SPHK1: variants seen among roughly 807,000 people sequenced by gnomAD.
The protein encoded by SPHK1 is SK 1.
In SPHK1, 10 loss-of-function variants were observed where a neutral mutation model predicts 14.6. That is an observed-to-expected ratio of 0.68 (90% CI 0.42 to 1.16). The LOEUF is 1.16. Ranked by LOEUF, SPHK1 falls within the 50% of genes most tolerant of loss-of-function variation. The probability of loss-of-function intolerance (pLI) is 0.00; values close to 1 mark genes in which losing one functional copy is unlikely to be tolerated. For synonymous variants in SPHK1, 274 were observed against 224.0 expected (o/e 1.22, Z -1.99); for missense variants, 553 against 525.4 (o/e 1.05, Z -0.51).
In SPHK1 at chr17:76,385,752, C is replaced by T; in HGVS notation, c.10+98C>T. The T allele has an allele frequency of 2.1e-6, 3 of 1,429,686 alleles. No homozygotes were observed. Among genetic ancestry groups the T allele is most frequent in the Middle Eastern group, 1.7e-4 (1 of 5,786 alleles). The allele number at this position is 1,429,686 out of a possible 1,614,324, so 88.6% of individuals were successfully genotyped here. A position where few individuals can be genotyped will look rare whatever the true frequency, so the allele number is the denominator to read the frequency against. ...CTGGACGAAAGGGGCTGTGGACGAT[C>T]GGGAGAAACATTATCCCTCACGAGG... is the stretch of plus-strand genomic sequence containing the variant. On this transcript the variant is annotated intron_variant, in intron 2 of 5. Coordinates refer to ENST00000592299, the MANE Select transcript of SPHK1 (RefSeq NM_001142601.2). This position sits in a 1 kb window ranked among gnomAD's most constrained non-coding sequence, Gnocchi z 5.3.
upstream of SPHK1, chr17:76,383,535 T>TGGGGGCGGGTGGGGCCGGC (rs1292168637): frequency 3.7e-6 from 1 of 267,910 alleles, no homozygotes; most frequent in African/African-American, 2.6e-5. Context: ...GAGAGGTGTG[T>TGGGGGCGGGTGGGGCCGGC]GGGGGCGGGT....
Position 76,385,115 on chromosome 17 carries a change from C to G in SPHK1, c.-195+309C>G, listed in dbSNP as rs1465388333. 3.8e-6 allele frequency: 6 copies of G among 1,584,506 alleles called. No homozygotes were observed. The highest frequency in any genetic ancestry group is 1.8e-5 in the Admixed American group (1 of 55,214). On this transcript the variant is annotated intron_variant, in intron 1 of 5. Coordinates refer to ENST00000592299, the MANE Select transcript of SPHK1 (RefSeq NM_001142601.2). The surrounding 1 kb of genome is among the most constrained non-coding windows in gnomAD (Gnocchi z 5.3). ...AACTTCGTGCCCAGCAATGTCCGCTCAAGTTCTGGGATTTTTACGCAGCTG... is the reference window on the plus strand; with the variant it reads ...AACTTCGTGCCCAGCAATGTCCGCTGAAGTTCTGGGATTTTTACGCAGCTG...
Position 76,386,145 on chromosome 17 carries a change from CCT to C in SPHK1, c.163+12_163+13del, listed in dbSNP as rs2071976730. The C allele has an allele frequency of 6.3e-7, 1 of 1,592,166 alleles. No homozygotes were observed. The highest frequency in any genetic ancestry group is 1.3e-5 in the African/African-American group (1 of 74,562). On this transcript the variant is annotated intron_variant, in intron 3 of 5. Transcript: ENST00000592299. This position sits in a 1 kb window ranked among gnomAD's most constrained non-coding sequence, Gnocchi z 5.3. Reference sequence around the variant, plus strand: ...TCACGCTGATGCTCACTGGTGAGTACCTCTCGGAGGGGGTTTCGGGAGCATCC... The same window carrying C: ...TCACGCTGATGCTCACTGGTGAGTACCTCGGAGGGGGTTTCGGGAGCATCC...
In SPHK1 at chr17:76,385,456, G is replaced by A; in HGVS notation, c.-189G>A. 1 of 1,546,742 alleles carries A rather than the reference G, an allele frequency of 6.5e-7. No individual in the cohort carries two copies. Among genetic ancestry groups the A allele is most frequent in the Non-Finnish European group, 8.7e-7 (1 of 1,153,852 alleles). ...CGCTGTCTTCTCTCCCTCAGGTCCA[G>A]CCGCCGCAGGGAATGACGCCGGTGC... On this transcript the variant is annotated 5_prime_UTR_variant, in exon 2 of 6. Coordinates refer to ENST00000592299, the MANE Select transcript of SPHK1 (RefSeq NM_001142601.2). The surrounding 1 kb of genome is among the most constrained non-coding windows in gnomAD (Gnocchi z 5.3).
rs776072471 is a variant in SPHK1, at chr17:76,387,406, C to T, written c.975C>T (p.Val325=). 9 of 1,613,720 alleles carry T rather than the reference C, an allele frequency of 5.6e-6. No homozygotes were observed. In the East Asian group the frequency reaches 8.9e-5, roughly 16 times the overall value. The change falls in exon 6 of 6, where the codon GTC becomes GTT. Residue 325 remains valine (V), a synonymous_variant. Coordinates refer to ENST00000592299, the MANE Select transcript of SPHK1 (RefSeq NM_001142601.2). This position sits in a 1 kb window ranked among gnomAD's most constrained non-coding sequence, Gnocchi z 4.1. Reference sequence around the variant, plus strand: ...CCTACTTGGTATATGTGCCCGTGGTCGCCTTCCGCTTGGAGCCCAAGGATG... The same window carrying T: ...CCTACTTGGTATATGTGCCCGTGGTTGCCTTCCGCTTGGAGCCCAAGGATG... ...ECPYLVYVPV[V]AFRLEPKDGK... is the part of the protein sequence containing the mutation.
At chr17:76,383,619 G>T, upstream of SPHK1, 2 of 318,348 alleles carry the variant, frequency 6.3e-6, no homozygotes. Flanking sequence ...GCCCTACCTG[G>T]GCAGGTCACC....
rs758804598 is a variant in SPHK1, at chr17:76,386,150, C to T, written c.163+13C>T. On this transcript the variant is annotated intron_variant, in intron 3 of 5. Transcript: ENST00000592299. The surrounding 1 kb of genome is among the most constrained non-coding windows in gnomAD (Gnocchi z 5.3). Reference sequence around the variant, plus strand: ...CTGATGCTCACTGGTGAGTACCTCTCGGAGGGGGTTTCGGGAGCATCCCCT... The same window carrying T: ...CTGATGCTCACTGGTGAGTACCTCTTGGAGGGGGTTTCGGGAGCATCCCCT... The T allele has an allele frequency of 2.5e-6, 4 of 1,591,190 alleles. No homozygotes were observed. The highest frequency in any genetic ancestry group is 2.7e-5 in the African/African-American group (2 of 74,540).
upstream of SPHK1, chr17:76,383,922 C>A (rs1211914999): frequency 8.5e-7 from 1 of 1,180,258 alleles, no homozygotes; most frequent in African/African-American, 1.7e-5. Flanking sequence ...CGGCTCGGAG[C>A]CCCCGGCCTG....
At chr17:76,384,006 A>C (rs1019728003), upstream of SPHK1, 81 of 549,958 alleles carry the variant, frequency 1.5e-4, no homozygotes, top group Non-Finnish European at 2.1e-4. Context: ...CGGGAAGTTA[A>C]AAATAACCTC....
rs760513692 is a variant in SPHK1, at chr17:76,386,902, G to A, written c.471G>A (p.Thr157=). The change falls in exon 6 of 6, where the codon ACG becomes ACA. Residue 157 remains threonine, a synonymous_variant. Coordinates refer to ENST00000592299, the MANE Select transcript of SPHK1 (RefSeq NM_001142601.2). This position sits in a 1 kb window ranked among gnomAD's most constrained non-coding sequence, Gnocchi z 5.3. ...LSPMNLLSLH[T]ASGLRLFSVL... is the part of the protein sequence containing the mutation. ...CCATGAACCTGCTGTCTCTGCACAC[G>A]GCTTCGGGGCTGCGCCTCTTCTCTG... 23 of 1,612,026 alleles carry A rather than the reference G, an allele frequency of 1.4e-5. No homozygotes were observed. The highest frequency in any genetic ancestry group is 6.7e-5 in the East Asian group (3 of 44,830).
At position 76,387,198 on chromosome 17, in the gene SPHK1, A is replaced by G. The variant is rs751077966; in HGVS notation, c.767A>G (p.Asp256Gly). The G allele has an allele frequency of 2.0e-5, 33 of 1,612,986 alleles. No individual in the cohort carries two copies. In the East Asian group the frequency reaches 7.4e-4, roughly 36 times the overall value. ...CACTGGACAGTGGTGCCCGACGAGG[A>G]CTTTGTGCTAGTCCTGGCACTGCTG... The part of the protein sequence containing the change: ...PSHWTVVPDE[D>G]FVLVLALLHS... The change falls in exon 6 of 6, where the codon GAC becomes GGC. Residue 256 changes from aspartate (D) to glycine (G), a missense_variant. Transcript: ENST00000592299. The surrounding 1 kb of genome is among the most constrained non-coding windows in gnomAD (Gnocchi z 4.1).
rs1293736501 is a variant in SPHK1, at chr17:76,387,038, C to A, written c.607C>A (p.Leu203Met). ...TLGTFLRLAA[L>M]RTYRGRLAYL... is the part of the protein sequence containing the mutation. ...GGGCACCTTCCTGCGTCTGGCAGCC[C>A]TGCGCACCTACCGCGGCCGACTGGC... Residue 203 changes from leucine (L) to methionine (M), a missense_variant, in exon 6 of 6, where the codon CTG becomes ATG. By Grantham distance (15) the Leu-to-Met change is conservative. Transcript: ENST00000592299. The surrounding 1 kb of genome is among the most constrained non-coding windows in gnomAD (Gnocchi z 4.1). 6.2e-7 allele frequency: 1 copy of A among 1,613,648 alleles called. No homozygotes were observed. Among genetic ancestry groups the A allele is most frequent in the Non-Finnish European group, 8.5e-7 (1 of 1,180,038 alleles).
rs1458800349 is a variant in SPHK1, at chr17:76,384,717, A to G, written c.-284A>G. The G allele has an allele frequency of 6.0e-6, 1 of 166,976 alleles. No homozygotes were observed. The highest frequency in any genetic ancestry group is 1.3e-5 in the Non-Finnish European group (1 of 78,122). The allele number at this position is 166,976 out of a possible 1,614,324, so 10.3% of individuals were successfully genotyped here. A position where few individuals can be genotyped will look rare whatever the true frequency, so the allele number is the denominator to read the frequency against. On this transcript the variant is annotated 5_prime_UTR_variant, in exon 1 of 6. Coordinates refer to ENST00000592299, the MANE Select transcript of SPHK1 (RefSeq NM_001142601.2). ...CCAGCGGGGCGCTCCAGTCCCTCAG[A>G]CGTGGGCTGAGCTTGGGACGAGCTG...
upstream of SPHK1, chr17:76,384,415 G>T (rs2071922148): frequency 6.6e-6 from 1 of 150,482 alleles, no homozygotes; most frequent in South Asian, 2.1e-4. Flanking sequence ...CTAGCCAGAC[G>T]CCTAGGACGA....
chr17:76,386,778 T>C lies in SPHK1; in HGVS notation c.375-28T>C. 1 of 1,524,248 alleles carries C rather than the reference T, an allele frequency of 6.6e-7. No homozygotes were observed. The highest frequency in any genetic ancestry group is 8.8e-7 in the Non-Finnish European group (1 of 1,136,788). The allele number at this position is 1,524,248 out of a possible 1,614,324, so 94.4% of individuals were successfully genotyped here. On this transcript the variant is annotated intron_variant, in intron 5 of 5. Coordinates refer to ENST00000592299, the MANE Select transcript of SPHK1 (RefSeq NM_001142601.2). The surrounding 1 kb of genome is among the most constrained non-coding windows in gnomAD (Gnocchi z 5.3). The stretch of plus-strand genomic sequence containing the variant: ...GGGGGATACATGGGGGCTCCTGTCC[T>C]GCCTTATCTGACTTTTTCCCCCTGC...
At position 76,387,110 on chromosome 17, in the gene SPHK1, G is replaced by A. The variant is rs2072002717; in HGVS notation, c.679G>A (p.Val227Ile). The A allele has an allele frequency of 2.5e-6, 4 of 1,613,158 alleles. No homozygotes were observed. The highest frequency in any genetic ancestry group is 3.4e-6 in the Non-Finnish European group (4 of 1,180,044). Reference sequence around the variant, plus strand: ...GGGTTCCAAGACACCTGCCTCCCCCGTTGTGGTCCAGCAGGGCCCGGTAGA... The same window carrying A: ...GGGTTCCAAGACACCTGCCTCCCCCATTGTGGTCCAGCAGGGCCCGGTAGA... ...RVGSKTPASPVVVQQGPVDAH... is the reference protein window; with the variant it reads ...RVGSKTPASPIVVQQGPVDAH... Residue 227 changes from valine (V) to isoleucine (I), a missense_variant, in exon 6 of 6, where the codon GTT becomes ATT. By Grantham distance (29) the Val-to-Ile change is conservative. Transcript: ENST00000592299. The surrounding 1 kb of genome is among the most constrained non-coding windows in gnomAD (Gnocchi z 4.1).
At position 76,386,874 on chromosome 17, in the gene SPHK1, C is replaced by T; in HGVS notation, c.443C>T (p.Ser148Leu). The change falls in exon 6 of 6, where the codon TCA (serine) becomes TTA (leucine). Residue 148 changes from serine to leucine, a missense_variant. Transcript: ENST00000592299. The surrounding 1 kb of genome is among the most constrained non-coding windows in gnomAD (Gnocchi z 5.3). ...CTATTGCTGTGCCGCCGGCTGCTGT[C>T]ACCCATGAACCTGCTGTCTCTGCAC... is the stretch of plus-strand genomic sequence containing the variant. ...CTLLLCRRLL[S>L]PMNLLSLHTA... The T allele has an allele frequency of 1.9e-6, 3 of 1,605,882 alleles. No homozygotes were observed. Among genetic ancestry groups the T allele is most frequent in the Non-Finnish European group, 2.6e-6 (3 of 1,175,146 alleles).
Position 76,386,876 on chromosome 17 carries a change from C to T in SPHK1, c.445C>T (p.Pro149Ser). The part of the protein sequence containing the change: ...TLLLCRRLLS[P>S]MNLLSLHTAS... ...ATTGCTGTGCCGCCGGCTGCTGTCA[C>T]CCATGAACCTGCTGTCTCTGCACAC... is the stretch of plus-strand genomic sequence containing the variant. The change falls in exon 6 of 6, where the codon CCC (proline) becomes TCC (serine). Residue 149 changes from proline to serine, a missense_variant. Pro to Ser is a moderately conservative substitution (Grantham distance 74). Coordinates refer to ENST00000592299, the MANE Select transcript of SPHK1 (RefSeq NM_001142601.2). The surrounding 1 kb of genome is among the most constrained non-coding windows in gnomAD (Gnocchi z 5.3). 3 of 1,608,472 alleles carry T rather than the reference C, an allele frequency of 1.9e-6. No homozygotes were observed. Among genetic ancestry groups the T allele is most frequent in the Non-Finnish European group, 1.7e-6 (2 of 1,176,602 alleles).
In SPHK1 at chr17:76,387,798, C is replaced by G. The variant is rs573674832; in HGVS notation, c.*212C>G. 4.3e-4 allele frequency: 239 copies of G among 551,000 alleles called. No homozygotes were observed. The highest frequency in any genetic ancestry group is 4.2e-3 in the African/African-American group (221 of 53,154). The allele number at this position is 551,000 out of a possible 1,614,324, so 34.1% of individuals were successfully genotyped here. ...GGCCCAGCTGCCTATGTAAGGCCTT[C>G]TAGTTTGTTCTGAGACCCCCACCCC... On this transcript the variant is annotated 3_prime_UTR_variant, in exon 6 of 6. Transcript: ENST00000592299. This position sits in a 1 kb window ranked among gnomAD's most constrained non-coding sequence, Gnocchi z 4.1.
Sources: allele counts gnomAD v4.1 joint callset, GRCh38; gene constraint gnomAD v4.1.1; non-coding constraint Gnocchi (gnomAD v3.1); transcripts MANE v1.5; gene names NCBI Gene and HGNC (gene_info 2026-07-23, HGNC 2026-07-21).